Variants in ZNF385D observed in about 807,000 individuals in gnomAD.
ZNF385D encodes the protein zinc finger protein 659.
In ZNF385D, 15 loss-of-function variants were observed where a neutral mutation model predicts 35.8. The ratio of observed to expected loss-of-function variants is 0.42; its 90% confidence interval spans 0.28 to 0.64. The LOEUF (loss-of-function observed/expected upper bound fraction) is 0.64. Among genes scored for constraint, ZNF385D ranks in the 30% least tolerant of loss-of-function variants. ZNF385D has a pLI of 0.23. For synonymous variants in ZNF385D, 212 were observed against 186.8 expected (o/e 1.13, Z -1.10); for missense variants, 474 against 494.6 (o/e 0.96, Z 0.39).
intron 3 of ZNF385D, among the ~76,000 whole-genome samples, chr3:21,790,224 G>C (rs2071870619): frequency 6.9e-6 from 1 of 145,502 alleles, no homozygotes; most frequent in African/African-American, 2.6e-5. Context: ...AATATTCTGA[G>C]CTTTAAAAAT....
chr3:21,758,975 C>CAAAAAGAAAAAAAA (rs2070472117), intron 3 of ZNF385D, among the ~76,000 whole-genome samples: 1 of 29,222 alleles, frequency 3.4e-5, no homozygotes, highest in Non-Finnish European at 5.8e-5. Context: ...TCATCACTGG[C>CAAAAAGAAAAAAAA]AAAAAAAAAA....
chr3:22,127,644 A>C (rs1402684755), intron 3 of ZNF385D, among the ~76,000 whole-genome samples: 2 of 151,778 alleles, frequency 1.3e-5, no homozygotes, highest in South Asian at 4.2e-4. Context: ...CTGGCCCTAA[A>C]TGTTTTCTTG....
chr3:22,279,942 C>T (rs142144928), intron 2 of ZNF385D, among the ~76,000 whole-genome samples: 2 of 152,142 alleles, frequency 1.3e-5, no homozygotes, highest in African/African-American at 4.8e-5. Flanking sequence ...TCCATGCCAA[C>T]ATCCATTATT....
intron 3 of ZNF385D, among the ~76,000 whole-genome samples, chr3:22,009,677 T>A (rs1157737372): frequency 6.6e-6 from 1 of 151,040 alleles, no homozygotes. Flanking sequence ...TGCAGAAGGA[T>A]GTGTCAAATA....
chr3:22,036,655 C>T (rs984163685), intron 3 of ZNF385D, among the ~76,000 whole-genome samples: 41 of 149,992 alleles, frequency 2.7e-4, no homozygotes, highest in African/African-American at 8.8e-4. Flanking sequence ...GCACCTTCTA[C>T]CATAAAACCC....
chr3:21,836,155 G>A (rs1035827076), intron 3 of ZNF385D, among the ~76,000 whole-genome samples: 1 of 122,122 alleles, frequency 8.2e-6, no homozygotes, highest in South Asian at 3.1e-4. Context: ...TAGGGCTAAT[G>A]CTGTTCATTG....
chr3:22,131,711 G>A (rs911723301), intron 3 of ZNF385D, among the ~76,000 whole-genome samples: 2 of 152,136 alleles, frequency 1.3e-5, no homozygotes, highest in African/African-American at 4.8e-5. Flanking sequence ...GGCAGCTAGG[G>A]AGATATCACA....
chr3:22,017,084 T>A (rs1696934892), intron 3 of ZNF385D, among the ~76,000 whole-genome samples: 1 of 152,076 alleles, frequency 6.6e-6, no homozygotes, highest in African/African-American at 2.4e-5. Context: ...AAAAAGAGTA[T>A]TAGACACCAG....
At chr3:21,547,572 C>G (rs571915106) in intron 3 of ZNF385D, among the ~76,000 whole-genome samples, 1 of 151,556 alleles carries the variant, frequency 6.6e-6, no homozygotes, top group African/African-American at 2.4e-5. Context: ...TAAGATCAGT[C>G]TTCGTTCTTA....
intron 3 of ZNF385D, among the ~76,000 whole-genome samples, chr3:21,833,810 ACAAT>A (rs1187569956): frequency 6.6e-6 from 1 of 152,194 alleles, no homozygotes; most frequent in Non-Finnish European, 1.5e-5. Context: ...ATGGGAAAAC[ACAAT>A]CTATCTTCCA....
chr3:22,280,986 G>GT (rs1320168252), intron 2 of ZNF385D, among the ~76,000 whole-genome samples: 1 of 151,676 alleles, frequency 6.6e-6, no homozygotes, highest in Non-Finnish European at 1.5e-5. Context: ...GTTTTGTTTT[G>GT]TTTTTCCAGT....
intron 3 of ZNF385D, among the ~76,000 whole-genome samples, chr3:21,898,274 G>A (rs147536999): frequency 3.1e-4 from 47 of 152,100 alleles, no homozygotes; most frequent in Admixed American, 1.8e-3. Context: ...GCACATATTC[G>A]CTAATAAAAC....
chr3:21,811,666 T>G (rs925629976), intron 3 of ZNF385D, among the ~76,000 whole-genome samples: 1 of 152,208 alleles, frequency 6.6e-6, no homozygotes, highest in Non-Finnish European at 1.5e-5. Context: ...ATAAACTGTA[T>G]AGTTTACAAA....
intron 4 of ZNF385D, among the ~76,000 whole-genome samples, chr3:21,485,784 TA>T (rs1299513384): frequency 1.3e-5 from 2 of 152,138 alleles, no homozygotes; most frequent in Non-Finnish European, 2.9e-5. Flanking sequence ...TCATCCTCCC[TA>T]TGATTTGTTA....
intron 3 of ZNF385D, among the ~76,000 whole-genome samples, chr3:21,990,611 T>A (rs1365168428): frequency 1.3e-5 from 2 of 152,204 alleles, no homozygotes; most frequent in Non-Finnish European, 2.9e-5. Flanking sequence ...ATTATAACTT[T>A]CTCTAAATAA....
At chr3:22,202,137 A>T (rs753295016) in intron 2 of ZNF385D, among the ~76,000 whole-genome samples, 8 of 152,060 alleles carry the variant, frequency 5.3e-5, no homozygotes, top group Non-Finnish European at 4.4e-5. Flanking sequence ...TATTTTTTAA[A>T]ATCTATGTAT....
intron 3 of ZNF385D, among the ~76,000 whole-genome samples, chr3:21,840,902 G>A (rs993985501): frequency 3.9e-5 from 6 of 152,132 alleles, no homozygotes; most frequent in Admixed American, 1.3e-4. Context: ...ACCAAGAGTT[G>A]AATAAATGTC....
intron 2 of ZNF385D, among the ~76,000 whole-genome samples, chr3:22,181,157 T>C (rs1178594975): frequency 1.3e-5 from 2 of 152,162 alleles, no homozygotes; most frequent in African/African-American, 4.8e-5. Context: ...GATCAATGTT[T>C]CCTTTTACAG....
rs1476009348 is a variant in ZNF385D, at chr3:22,036,390, A to G, written c.325+132427T>C. ...GACAAATGATTGGAATATGTCTTCT[A>G]AACATAAAATGAATTCAGTAGGAAA... On this transcript the variant is annotated intron_variant, in intron 3 of 5. Transcript: ENST00000494108. Among the ~76,000 whole-genome samples, 5 of 152,210 alleles carry G rather than the reference A, an allele frequency of 3.3e-5. No individual in the cohort carries two copies. In the East Asian group the frequency reaches 9.6e-4, roughly 29 times the overall value.
Sources: allele counts gnomAD v4.1 joint callset (sites outside exome capture counted in the v4.1 genomes callset), GRCh38; gene constraint gnomAD v4.1.1; transcripts MANE v1.5; gene names NCBI Gene and HGNC (gene_info 2026-07-23, HGNC 2026-07-21).